The following ZFAT variants were observed in gnomAD, a reference collection of about 807,000 sequenced individuals.
ZFAT encodes zinc finger and AT-hook domain containing, also known as zinc finger protein ZFAT.
A neutral mutation model predicts 117.7 loss-of-function variants in ZFAT; 64 were observed. The observed-to-expected ratio is 0.54, with a 90% CI of 0.44 to 0.67. The LOEUF (loss-of-function observed/expected upper bound fraction) is 0.67. Among genes scored for constraint, ZFAT ranks in the 30% least tolerant of loss-of-function variants. The pLI is 0.00. For synonymous variants in ZFAT, 679 were observed against 615.0 expected, an observed-to-expected ratio of 1.10 and a Z score of -1.54; for missense variants, 1,433 against 1,584.5, an observed-to-expected ratio of 0.90 and a Z score of 1.62.
the ZFAT span, among the ~76,000 whole-genome samples, chr8:134,791,415 C>T: frequency 6.6e-6 from 1 of 152,118 alleles, no homozygotes; most frequent in African/African-American, 2.4e-5. Flanking sequence ...TGGTGAGACC[C>T]ACAGCCAACA....
chr8:134,552,481 T>C (rs1823239637), intron 11 of ZFAT, among the ~76,000 whole-genome samples: 2 of 152,264 alleles, frequency 1.3e-5, no homozygotes, highest in South Asian at 2.1e-4. Context: ...CTTTTAGTTA[T>C]GCAAATTTTA....
intron 1 of ZFAT, among the ~76,000 whole-genome samples, chr8:134,698,323 C>A (rs74845922): frequency 1.7e-3 from 212 of 127,252 alleles, no homozygotes; most frequent in Admixed American, 2.1e-3. Flanking sequence ...GACTCCATCT[C>A]AAAAAAAAAA....
intron 7 of ZFAT, among the ~76,000 whole-genome samples, chr8:134,594,069 C>A (rs1360085299): frequency 6.6e-6 from 1 of 152,206 alleles, no homozygotes; most frequent in Non-Finnish European, 1.5e-5. Flanking sequence ...GTTTTCCTTT[C>A]CACTGGAAAT....
chr8:134,741,344 C>T, the ZFAT span, among the ~76,000 whole-genome samples: 3 of 152,156 alleles, frequency 2.0e-5, no homozygotes, highest in Admixed American at 1.3e-4. Flanking sequence ...GGCTCTCCAA[C>T]AACCTTCTGG....
chr8:134,818,563 C>G, the ZFAT span, among the ~76,000 whole-genome samples: 2 of 152,190 alleles, frequency 1.3e-5, no homozygotes, highest in Admixed American at 6.5e-5. Flanking sequence ...GAACATATAG[C>G]TACCATATGA....
intron 10 of ZFAT, among the ~76,000 whole-genome samples, chr8:134,569,128 C>A (rs1391751265): frequency 6.6e-6 from 1 of 152,166 alleles, no homozygotes; most frequent in Non-Finnish European, 1.5e-5. Flanking sequence ...TACTAGGCAT[C>A]ATGAGTTGCA....
intron 3 of ZFAT, among the ~76,000 whole-genome samples, chr8:134,623,960 A>G (rs928092498): frequency 6.6e-6 from 1 of 152,012 alleles, no homozygotes; most frequent in African/African-American, 2.4e-5. Context: ...CCCCACACTT[A>G]TCTCAGAGTG....
chr8:134,642,334 G>C (rs1312851935), intron 2 of ZFAT, among the ~76,000 whole-genome samples: 1 of 152,138 alleles, frequency 6.6e-6, no homozygotes, highest in Admixed American at 6.5e-5. Flanking sequence ...ACCGACCTGG[G>C]TTCAAATCTC....
At chr8:134,794,052 G>A in the ZFAT span, 2 of 152,206 alleles carry the variant, frequency 1.3e-5, no homozygotes, top group African/African-American at 4.8e-5. Context: ...TTTAAGGCCT[G>A]TTGTATGATC....
At chr8:134,704,365 G>T (rs773737489) in intron 1 of ZFAT, among the ~76,000 whole-genome samples, 1 of 152,192 alleles carries the variant, frequency 6.6e-6, no homozygotes, top group African/African-American at 2.4e-5. Flanking sequence ...TCATGTCCCT[G>T]AGCCTGTTAT....
intron 13 of ZFAT, among the ~76,000 whole-genome samples, chr8:134,518,975 T>C (rs569170066): frequency 2.2e-4 from 34 of 152,298 alleles, no homozygotes; most frequent in African/African-American, 8.2e-4. Flanking sequence ...GGGTCTATTC[T>C]AAATTTTCTG....
chr8:134,504,950 GC>G (rs936102164), intron 15 of ZFAT, among the ~76,000 whole-genome samples: 28 of 152,024 alleles, frequency 1.8e-4, no homozygotes, highest in African/African-American at 6.3e-4. Flanking sequence ...CTCAGCACCT[GC>G]CCCCACCCCA....
intron 11 of ZFAT, among the ~76,000 whole-genome samples, chr8:134,557,710 C>A (rs368535954): frequency 4.9e-4 from 74 of 152,054 alleles, no homozygotes; most frequent in African/African-American, 1.7e-3. Context: ...ATAACTTATA[C>A]AACACATAGA....
At chr8:134,785,565 T>C in the ZFAT span, 76 of 151,958 alleles carry the variant, frequency 5.0e-4, no homozygotes, top group African/African-American at 1.6e-3. Flanking sequence ...GAGAAGGGTA[T>C]ATAATTTTTT....
rs554324230 is a variant in ZFAT at position 134,479,010 on chromosome 8, G to A, written c.3493-289C>T. 4.6e-5 allele frequency among the ~76,000 whole-genome samples: 7 copies of A among 152,264 alleles called. No individual in the cohort carries two copies. The South Asian group carries it at 6.2e-4, about 14-fold the overall frequency. On this transcript the variant is annotated intron_variant, in intron 15 of 15. Coordinates refer to ENST00000377838, the MANE Select transcript of ZFAT (RefSeq NM_020863.4). Reference sequence around the variant, plus strand: ...TGTTTCTGATGCCGAGCTGCTTCCCGGGGCTTCCAGGAGGTGTGGGGTTAC... The same window carrying A: ...TGTTTCTGATGCCGAGCTGCTTCCCAGGGCTTCCAGGAGGTGTGGGGTTAC...
chr8:134,613,016 T>C (rs912925429), intron 3 of ZFAT, among the ~76,000 whole-genome samples: 1 of 152,236 alleles, frequency 6.6e-6, no homozygotes, highest in Non-Finnish European at 1.5e-5. Context: ...GAAGTTCTTT[T>C]TGTGGCCTAC....
At chr8:134,652,888 A>G (rs763289812) in intron 2 of ZFAT, among the ~76,000 whole-genome samples, 69 of 152,346 alleles carry the variant, frequency 4.5e-4, no homozygotes, top group Non-Finnish European at 4.0e-4. Flanking sequence ...TTCAATAAGC[A>G]TACCCTCTAC....
At chr8:134,653,041 G>T (rs916498649) in intron 2 of ZFAT, among the ~76,000 whole-genome samples, 1 of 151,726 alleles carries the variant, frequency 6.6e-6, no homozygotes, top group Non-Finnish European at 1.5e-5. Context: ...AGTAAATTAT[G>T]CATTATCCAT....
At chr8:134,541,880 T>C (rs1387476430) in intron 11 of ZFAT, among the ~76,000 whole-genome samples, 3 of 152,246 alleles carry the variant, frequency 2.0e-5, no homozygotes, top group Non-Finnish European at 4.4e-5. Context: ...CCAAGCAATA[T>C]GTCAGGAACT....
Sources: gnomAD v4.1 joint callset for allele counts (sites outside exome capture counted in the v4.1 genomes callset) on GRCh38, gnomAD v4.1.1 for gene constraint, MANE v1.5 for transcripts, NCBI Gene and HGNC (gene_info 2026-07-23, HGNC 2026-07-21) for gene names.